Variants in TAFA5 observed in about 807,000 individuals in gnomAD.
TAFA5 encodes TAFA chemokine like family member 5, also known as chemokine-like protein TAFA-5.
In TAFA5, 6 loss-of-function variants were observed where a neutral mutation model predicts 15.3. That is an observed-to-expected ratio of 0.39 (90% CI 0.21 to 0.77). The LOEUF (loss-of-function observed/expected upper bound fraction) is 0.77. Ranked by LOEUF, TAFA5 falls within the 30% of genes least tolerant of loss-of-function variation. The probability of loss-of-function intolerance (pLI) is 0.41; values close to 1 mark genes in which losing one functional copy is unlikely to be tolerated. For missense variants in TAFA5, 161 were observed against 193.1 expected (o/e 0.83, Z 0.98); for synonymous variants, 103 against 80.7 (o/e 1.28, Z -1.48).
chr22:48,656,127 C>A (rs1212914810), intron 2 of TAFA5, among the ~76,000 whole-genome samples: 2 of 152,006 alleles, frequency 1.3e-5, no homozygotes, highest in African/African-American at 4.8e-5. Flanking sequence ...CAGGTGTGAG[C>A]CACCACGCCC....
intron 2 of TAFA5, among the ~76,000 whole-genome samples, chr22:48,694,700 C>G (rs989039966): frequency 6.6e-6 from 1 of 152,122 alleles, no homozygotes; most frequent in Non-Finnish European, 1.5e-5. Context: ...AGTGCCCTGG[C>G]AAGGGCTGAC....
At position 48,530,572 on chromosome 22, in the gene TAFA5, C is replaced by A. The variant is rs1221876878; in HGVS notation, c.112+40868C>A. On this transcript the variant is annotated intron_variant, in intron 1 of 3. Coordinates refer to ENST00000402357, the MANE Select transcript of TAFA5 (RefSeq NM_001082967.3). This position sits in a 1 kb window ranked among gnomAD's most constrained non-coding sequence, Gnocchi z 6.0. ...GTGGACAGGGCTCCTCCCGTCTCCTCCCCTGCTAGAGGGTGGGCAAGAAAC... is the reference window on the plus strand; with the variant it reads ...GTGGACAGGGCTCCTCCCGTCTCCTACCCTGCTAGAGGGTGGGCAAGAAAC... Among the ~76,000 whole-genome samples the A allele has an allele frequency of 1.3e-5, 2 of 152,180 alleles. No homozygotes were observed. The highest frequency in any genetic ancestry group is 2.4e-5 in the African/African-American group (1 of 41,438).
At chr22:48,694,741 C>G (rs130118) in intron 2 of TAFA5, among the ~76,000 whole-genome samples, 38,789 of 149,194 alleles carry the variant, frequency 0.26, 5,555 homozygotes, top group Non-Finnish European at 0.32. Flanking sequence ...TGAGCAGCTC[C>G]AAGACCACCA....
In TAFA5 at chr22:48,552,014, G is replaced by A. The variant is rs745995300; in HGVS notation, c.112+62310G>A. Among the ~76,000 whole-genome samples the A allele has an allele frequency of 2.0e-5, 3 of 152,306 alleles. No individual in the cohort carries two copies. The highest frequency in any genetic ancestry group is 2.1e-4 in the South Asian group (1 of 4,818). ...AGGCAGTGCTGGCCCCACGCCCTGC[G>A]ATGGCCGTTCAGCTCTGACTGTCCT... On this transcript the variant is annotated intron_variant, in intron 1 of 3. Coordinates refer to ENST00000402357, the MANE Select transcript of TAFA5 (RefSeq NM_001082967.3). This position sits in a 1 kb window ranked among gnomAD's most constrained non-coding sequence, Gnocchi z 4.1.
intron 1 of TAFA5, among the ~76,000 whole-genome samples, chr22:48,629,926 G>A (rs1926156217): frequency 6.6e-6 from 1 of 152,234 alleles, no homozygotes; most frequent in African/African-American, 2.4e-5. Flanking sequence ...GAGCTGAGCT[G>A]GGGTCACGTG....
At position 48,686,833 on chromosome 22, in the gene TAFA5, T is replaced by G. The variant is rs149605303; in HGVS notation, c.263-20884T>G. 4.3e-3 allele frequency among the ~76,000 whole-genome samples: 617 copies of G among 141,878 alleles called. 4 individuals carry two copies. The highest frequency in any genetic ancestry group is 0.016 in the African/African-American group (578 of 37,184). 93.1% of individuals were successfully genotyped at this position (141,878 alleles called of 152,430 possible). ...TGGATTGGAGGAAGGATGGACTGATTGATGGATGGATGGATGGACTAATGG... is the reference window on the plus strand; with the variant it reads ...TGGATTGGAGGAAGGATGGACTGATGGATGGATGGATGGATGGACTAATGG... On this transcript the variant is annotated intron_variant, in intron 2 of 3. Transcript: ENST00000402357.
At chr22:48,732,356 A>T (rs539971158) in intron 3 of TAFA5, among the ~76,000 whole-genome samples, 1 of 152,280 alleles carries the variant, frequency 6.6e-6, no homozygotes, top group South Asian at 2.1e-4. Context: ...TCCCGGGTTC[A>T]CGCCATTCTC....
chr22:48,723,050 A>G (rs1414027723), intron 3 of TAFA5, among the ~76,000 whole-genome samples: 1 of 152,164 alleles, frequency 6.6e-6, no homozygotes, highest in Non-Finnish European at 1.5e-5. Flanking sequence ...ACCTGTGCCC[A>G]GCCTGTCCCC....
intron 2 of TAFA5, among the ~76,000 whole-genome samples, chr22:48,662,312 C>A (rs1265228821): frequency 2.0e-5 from 3 of 152,174 alleles, no homozygotes; most frequent in Admixed American, 1.3e-4. Context: ...TTGATTCAAA[C>A]CTGCCGGGAG....
At chr22:48,747,639 G>A (rs948837894) in intron 3 of TAFA5, among the ~76,000 whole-genome samples, 16 of 152,154 alleles carry the variant, frequency 1.1e-4, no homozygotes, top group East Asian at 7.7e-4. Context: ...GCTCATGCCT[G>A]TAATCCCAGC....
intron 3 of TAFA5, among the ~76,000 whole-genome samples, chr22:48,716,477 A>G (rs1360553058): frequency 1.3e-5 from 2 of 152,222 alleles, no homozygotes; most frequent in African/African-American, 2.4e-5. Flanking sequence ...ATGAGAACAC[A>G]TGGACACCAG....
intron 1 of TAFA5, among the ~76,000 whole-genome samples, chr22:48,559,452 T>A: frequency 6.6e-6 from 1 of 152,050 alleles, no homozygotes; most frequent in East Asian, 1.9e-4. Context: ...CAACCCACAC[T>A]GCGGGGTCCC....
chr22:48,515,279 A>C (rs1463036510), intron 1 of TAFA5, among the ~76,000 whole-genome samples: 1 of 151,940 alleles, frequency 6.6e-6, no homozygotes, highest in African/African-American at 2.4e-5. Context: ...AGACTCAGAT[A>C]AGCAGGTGCA....
chr22:48,547,543 G>A (rs1240051446), intron 1 of TAFA5, among the ~76,000 whole-genome samples: 1 of 152,272 alleles, frequency 6.6e-6, no homozygotes, highest in African/African-American at 2.4e-5. Context: ...AGCTGAAGCA[G>A]CTGGGAGACT....
At chr22:48,704,716 C>G (rs1232822017) in intron 2 of TAFA5, among the ~76,000 whole-genome samples, 1 of 152,064 alleles carries the variant, frequency 6.6e-6, no homozygotes, top group African/African-American at 2.4e-5. Context: ...GTTTCCTCAC[C>G]TGACTCTTCA....
intron 1 of TAFA5, among the ~76,000 whole-genome samples, chr22:48,534,407 A>G (rs133472): frequency 0.68 from 102,593 of 151,928 alleles, 34,917 homozygotes; most frequent in African/African-American, 0.74. Context: ...TCTGCAGAGG[A>G]CTCCCACGGG....
At chr22:48,548,596 G>T (rs1360341012) in intron 1 of TAFA5, among the ~76,000 whole-genome samples, 1 of 152,190 alleles carries the variant, frequency 6.6e-6, no homozygotes, top group African/African-American at 2.4e-5. Flanking sequence ...GAGCTTTGCT[G>T]CTCTCGGCAG....
intron 2 of TAFA5, among the ~76,000 whole-genome samples, chr22:48,683,341 G>A (rs6010583): frequency 0.084 from 12,811 of 152,284 alleles, 822 homozygotes; most frequent in African/African-American, 0.17. Context: ...GCTGGGGGCC[G>A]GTGGTGAGAG....
In TAFA5 at chr22:48,500,895, C is replaced by T. The variant is rs149071082; in HGVS notation, c.112+11191C>T. Reference sequence around the variant, plus strand: ...TGCTGTTTGCCATGGAAGAAGCTAACGGGAGGAGCTGGGGCATGCTTGGGG... The same window carrying T: ...TGCTGTTTGCCATGGAAGAAGCTAATGGGAGGAGCTGGGGCATGCTTGGGG... On this transcript the variant is annotated intron_variant, in intron 1 of 3. Transcript: ENST00000402357. Among the ~76,000 whole-genome samples the T allele has an allele frequency of 5.2e-3, 789 of 152,260 alleles. 4 individuals carry two copies. The highest frequency in any genetic ancestry group is 0.017 in the African/African-American group (726 of 41,538).
Sources: gnomAD v4.1 joint callset for allele counts (sites outside exome capture counted in the v4.1 genomes callset) on GRCh38, gnomAD v4.1.1 for gene constraint, Gnocchi (gnomAD v3.1) non-coding constraint, MANE v1.5 for transcripts, NCBI Gene and HGNC (gene_info 2026-07-23, HGNC 2026-07-21) for gene names.